The following ERGIC3 variants were observed in gnomAD, a reference collection of about 807,000 sequenced individuals.
ERGIC3 encodes ERGIC and golgi 3, also known as endoplasmic reticulum-Golgi intermediate compartment protein 3.
ERGIC3 carries 33 observed loss-of-function variants against 54.7 expected under a neutral mutation model. That is an observed-to-expected ratio of 0.60 (90% CI 0.46 to 0.81). ERGIC3 has a LOEUF of 0.81. ERGIC3 is among the 30% of genes least tolerant of loss of function. The pLI, the probability that ERGIC3 is intolerant of heterozygous loss-of-function variation, is 0.00. For missense variants in ERGIC3, 399 were observed against 488.4 expected (o/e 0.82, Z 1.73); for synonymous variants, 186 against 189.8 (o/e 0.98, Z 0.16).
chr20:35,543,265 T>A (rs541402920), intron 4 of ERGIC3: 24 of 349,780 alleles, frequency 6.9e-5, no homozygotes, highest in African/African-American at 5.1e-4. Flanking sequence ...CAGGCTTCTT[T>A]GAGTGTTTGC....
Position 35,557,439 on chromosome 20 carries a change from G to C in ERGIC3, c.1087G>C (p.Asp363His). ...GGMFTVAGLIDSLIYHSARAI... is the reference protein window; with the variant it reads ...GGMFTVAGLIHSLIYHSARAI... ...CTCTCTCCCAGTGGCTGGACTCATCGATTCGCTCATCTACCACTCAGCACG... is the reference window on the plus strand; with the variant it reads ...CTCTCTCCCAGTGGCTGGACTCATCCATTCGCTCATCTACCACTCAGCACG... Residue 363 changes from aspartate (D) to histidine (H), a missense_variant, in exon 13 of 13, where the codon GAT becomes CAT. Physicochemically the swap from Asp to His is moderately conservative, Grantham distance 81. Transcript: ENST00000348547. 6.2e-7 allele frequency: 1 copy of C among 1,614,056 alleles called. No homozygotes were observed. Among genetic ancestry groups the C allele is most frequent in the Non-Finnish European group, 8.5e-7 (1 of 1,180,010 alleles).
At position 35,548,157 on chromosome 20, in the gene ERGIC3, T is replaced by C. The variant is rs190733785; in HGVS notation, c.462-352T>C. Among the ~76,000 whole-genome samples, 4 of 152,222 alleles carry C rather than the reference T, an allele frequency of 2.6e-5. No individual in the cohort carries two copies. The East Asian group carries it at 7.7e-4, about 29-fold the overall frequency. On this transcript the variant is annotated intron_variant, in intron 5 of 12. Coordinates refer to ENST00000348547, the MANE Select transcript of ERGIC3 (RefSeq NM_015966.3). Reference sequence around the variant, plus strand: ...CTCTGTCCTAAAACTTGTCATCGCCTCAAACAGAATGGGAATATGTATTTT... The same window carrying C: ...CTCTGTCCTAAAACTTGTCATCGCCCCAAACAGAATGGGAATATGTATTTT...
intron 4 of ERGIC3, among the ~76,000 whole-genome samples, chr20:35,546,850 A>G (rs1232047764): frequency 6.6e-6 from 1 of 152,158 alleles, no homozygotes; most frequent in Non-Finnish European, 1.5e-5. Context: ...GAGTATGAAA[A>G]TGGGTAGCTG....
At chr20:35,553,869 G>A (rs372054529) in intron 7 of ERGIC3, among the ~76,000 whole-genome samples, 2 of 152,322 alleles carry the variant, frequency 1.3e-5, no homozygotes, top group African/African-American at 4.8e-5. Flanking sequence ...GTGGATCCCC[G>A]GGCCGGGGGT....
chr20:35,547,880 T>C (rs1046783216), intron 5 of ERGIC3, among the ~76,000 whole-genome samples: 2 of 152,208 alleles, frequency 1.3e-5, no homozygotes, highest in Non-Finnish European at 2.9e-5. Context: ...AGCTGTATAC[T>C]GTGTGTAAAG....
chr20:35,555,027 T>C lies in ERGIC3; in HGVS notation c.686-17T>C, dbSNP rs760035488. ...ACTAATGACGCCTTCTCCCTTGCCT[T>C]CTCCCTTCTCTCCTAGTCCATGACT... On this transcript the variant is annotated splice_polypyrimidine_tract_variant and intron_variant, in intron 7 of 12. Coordinates refer to ENST00000348547, the MANE Select transcript of ERGIC3 (RefSeq NM_015966.3). 2.1e-5 allele frequency: 34 copies of C among 1,612,646 alleles called. No homozygotes were observed. Among genetic ancestry groups the C allele is most frequent in the Admixed American group, 3.3e-5 (2 of 59,776 alleles).
In ERGIC3 at chr20:35,542,088, G is replaced by T. The variant is rs202072908; in HGVS notation, c.-10G>T. On this transcript the variant is annotated 5_prime_UTR_variant, in exon 1 of 13. Coordinates refer to ENST00000348547, the MANE Select transcript of ERGIC3 (RefSeq NM_015966.3). Reference sequence around the variant, plus strand: ...CGGGCCGGCTGGCGTCCCCTTTCCGGCCGGTCCCCATGGAGGCGCTGGGGA... The same window carrying T: ...CGGGCCGGCTGGCGTCCCCTTTCCGTCCGGTCCCCATGGAGGCGCTGGGGA... 9.7e-4 allele frequency: 1,486 copies of T among 1,525,260 alleles called. 29 individuals carry two copies. In the Admixed American group the frequency reaches 0.029, roughly 30 times the overall value. 94.5% of individuals were successfully genotyped at this position (1,525,260 alleles called of 1,614,324 possible). A position where few individuals can be genotyped will look rare whatever the true frequency, so the allele number is the denominator to read the frequency against.
chr20:35,547,460 C>G lies in ERGIC3; in HGVS notation c.416C>G (p.Pro139Arg). Residue 139 changes from proline to arginine, a missense_variant, in exon 5 of 13, where the codon CCT becomes CGT. Pro to Arg is a moderately radical substitution (Grantham distance 103). Transcript: ENST00000348547. Reference sequence around the variant, plus strand: ...GTGTTTGACCCTGACTCCCTGGACCCTGATCGCTGTGAGAGCTGCTATGGT... The same window carrying G: ...GTGTTTGACCCTGACTCCCTGGACCGTGATCGCTGTGAGAGCTGCTATGGT... Reference protein sequence around the residue: ...VTVFDPDSLDPDRCESCYGAE... With the variant: ...VTVFDPDSLDRDRCESCYGAE... The G allele has an allele frequency of 6.2e-7, 1 of 1,614,090 alleles. No homozygotes were observed. Among genetic ancestry groups the G allele is most frequent in the Non-Finnish European group, 8.5e-7 (1 of 1,180,016 alleles).
At chr20:35,542,235 T>C (rs2064616661) in intron 1 of ERGIC3, 50 bp downstream of exon 1, 1 of 1,606,368 alleles carries the variant, frequency 6.2e-7, no homozygotes, top group African/African-American at 1.3e-5. Flanking sequence ...TCCTAGAGCT[T>C]AGCCCGGGCT....
chr20:35,547,558 C>A, intron 5 of ERGIC3, 53 bp downstream of exon 5: 1 of 1,514,032 alleles, frequency 6.6e-7, no homozygotes, highest in South Asian at 1.1e-5. Flanking sequence ...ATCTGTCAGT[C>A]AGCCTCAGCC....
intron 4 of ERGIC3, chr20:35,545,434 G>C (rs1027179919): frequency 6.6e-6 from 1 of 152,066 alleles, no homozygotes; most frequent in African/African-American, 2.4e-5. Context: ...GGGTGTGGTG[G>C]TGGGCACCTG....
chr20:35,547,523 G>A lies in ERGIC3; in HGVS notation c.461+18G>A, dbSNP rs201714249. ...GATATCAAGTGAGCTGGCGGGGAGC[G>A]GGAGCAGGGTTCCCATCAGGCGCCA... On this transcript the variant is annotated intron_variant, in intron 5 of 12. Coordinates refer to ENST00000348547, the MANE Select transcript of ERGIC3 (RefSeq NM_015966.3). The A allele has an allele frequency of 1.4e-5, 23 of 1,610,610 alleles. No homozygotes were observed. The highest frequency in any genetic ancestry group is 3.3e-4 in the Middle Eastern group (2 of 6,040).
At chr20:35,551,119 T>G (rs766283783) in intron 7 of ERGIC3, among the ~76,000 whole-genome samples, 11 of 151,902 alleles carry the variant, frequency 7.2e-5, no homozygotes, top group African/African-American at 1.7e-4. Context: ...TGATGAAACC[T>G]TGTCTCTACT....
intron 4 of ERGIC3, chr20:35,543,230 C>G (rs1234861109): frequency 2.6e-6 from 1 of 380,334 alleles, no homozygotes; most frequent in African/African-American, 2.1e-5. Flanking sequence ...GTGCTCTTGC[C>G]TTGGTAGAAC....
At chr20:35,542,983 A>C in intron 4 of ERGIC3, 42 bp downstream of exon 4, 1 of 1,612,266 alleles carries the variant, frequency 6.2e-7, no homozygotes, top group Admixed American at 1.7e-5. Flanking sequence ...CCAAAGCTGG[A>C]TGTACCCAAG....
rs371033028 is a variant in ERGIC3, at chr20:35,542,122, C to A, written c.25C>A (p.Gln9Lys). MEALGKLK[Q>K]FDAYPKTLED... ...CATGGAGGCGCTGGGGAAGCTGAAG[C>A]AGTTCGATGCCTACCCCAAGACTTT... The change falls in exon 1 of 13, where the codon CAG becomes AAG. Residue 9 changes from glutamine to lysine, a missense_variant. By Grantham distance (53) the Gln-to-Lys change is moderately conservative. Coordinates refer to ENST00000348547, the MANE Select transcript of ERGIC3 (RefSeq NM_015966.3). 2 of 1,558,970 alleles carry A rather than the reference C, an allele frequency of 1.3e-6. No homozygotes were observed. Among genetic ancestry groups the A allele is most frequent in the African/African-American group, 1.4e-5 (1 of 73,192 alleles).
intron 7 of ERGIC3, among the ~76,000 whole-genome samples, chr20:35,552,279 T>C (rs1195751703): frequency 6.6e-6 from 1 of 151,906 alleles, no homozygotes; most frequent in Non-Finnish European, 1.5e-5. Flanking sequence ...GAAGGAGGTG[T>C]TGGAGATTTG....
chr20:35,556,751 A>G, intron 10 of ERGIC3: 1 of 624,690 alleles, frequency 1.6e-6, no homozygotes, highest in Non-Finnish European at 2.8e-6. Context: ...CAGGATAGGT[A>G]AACTGTAAAG....
intron 10 of ERGIC3, chr20:35,556,482 C>A: frequency 1.7e-6 from 1 of 594,306 alleles, no homozygotes; most frequent in Non-Finnish European, 3.0e-6. Context: ...TTTCTGCTGC[C>A]CTCACCGCTT....
Sources: gnomAD v4.1 joint callset for allele counts (sites outside exome capture counted in the v4.1 genomes callset) on GRCh38, gnomAD v4.1.1 for gene constraint, MANE v1.5 for transcripts, NCBI Gene and HGNC (gene_info 2026-07-23, HGNC 2026-07-21) for gene names.